Variants in ZNF124 observed in about 807,000 individuals in gnomAD.
ZNF124 encodes the protein zinc finger protein HZF-16.
ZNF124 carries 25 observed loss-of-function variants against 26.6 expected under a neutral mutation model. That is an observed-to-expected ratio of 0.94 (90% CI 0.68 to 1.31). ZNF124 has a LOEUF of 1.31. Among genes scored for constraint, ZNF124 ranks in the 40% most tolerant of loss-of-function variants. The pLI is 0.00. For missense variants in ZNF124, 444 were observed against 422.2 expected (o/e 1.05, Z -0.45); for synonymous variants, 129 against 133.3 (o/e 0.97, Z 0.22).
intron 3 of ZNF124, among the ~76,000 whole-genome samples, chr1:247,124,448 G>A (rs1672159318): frequency 2.0e-5 from 3 of 151,478 alleles, no homozygotes; most frequent in South Asian, 4.2e-4. Context: ...TGATCTACCC[G>A]CCGCGGCTTC....
downstream of ZNF124, among the ~76,000 whole-genome samples, chr1:247,151,330 T>A (rs1672932454): frequency 6.6e-6 from 1 of 151,924 alleles, no homozygotes; most frequent in Non-Finnish European, 1.5e-5. Flanking sequence ...ATACAAAAAA[T>A]TAGCCGGGCG....
At chr1:247,140,570 A>G (rs538594192) in intron 3 of ZNF124, among the ~76,000 whole-genome samples, 1 of 152,242 alleles carries the variant, frequency 6.6e-6, no homozygotes, top group South Asian at 2.1e-4. Flanking sequence ...GAGTTCTTTC[A>G]TTGGTTCTTT....
At chr1:247,131,798 G>C (rs1672375062) in intron 3 of ZNF124, among the ~76,000 whole-genome samples, 3 of 152,190 alleles carry the variant, frequency 2.0e-5, no homozygotes, top group African/African-American at 4.8e-5. Context: ...GAGCCCCTAG[G>C]GGGAGGGGTG....
chr1:247,157,730 A>AG lies in ZNF124; in HGVS notation c.219-328dup, dbSNP rs1324714148. Among the ~76,000 whole-genome samples the AG allele has an allele frequency of 2.0e-5, 3 of 152,192 alleles. No homozygotes were observed. The East Asian group carries it at 5.8e-4, about 29-fold the overall frequency. On this transcript the variant is annotated intron_variant, in intron 3 of 3. Transcript: ENST00000543802. ...TCTACAACATGGCTCCCTCCCCTAT[A>AG]GCTATTAACAATACAGTAATATTCT...
intron 3 of ZNF124, chr1:247,138,130 A>G (rs1378903886): frequency 3.3e-5 from 5 of 152,224 alleles, no homozygotes; most frequent in African/African-American, 1.2e-4. Flanking sequence ...AATATAAATC[A>G]TTCTACTATA....
At chr1:247,148,126 C>T (rs1387650054) in intron 3 of ZNF124, among the ~76,000 whole-genome samples, 2 of 152,228 alleles carry the variant, frequency 1.3e-5, no homozygotes, top group Admixed American at 1.3e-4. Context: ...ACTCCTCATT[C>T]TTTCCTACTT....
intron 3 of ZNF124, chr1:247,138,101 C>G (rs1226620917): frequency 6.6e-6 from 1 of 152,184 alleles, no homozygotes; most frequent in Non-Finnish European, 1.5e-5. Context: ...AATCCCATTA[C>G]TGGGTATATA....
chr1:247,159,973 G>C, intron 1 of ZNF124, 160 bp from the exon 2 acceptor site: 68 of 358,840 alleles, frequency 1.9e-4, no homozygotes, highest in Non-Finnish European at 2.6e-4. Flanking sequence ...CTCCCACATA[G>C]CAGTTCTTTT....
intron 3 of ZNF124, among the ~76,000 whole-genome samples, chr1:247,133,229 CAAGAA>C (rs1383158644): frequency 6.6e-6 from 1 of 150,692 alleles, no homozygotes; most frequent in African/African-American, 2.4e-5. Context: ...GACATGCAGA[CAAGAA>C]GAGAGAAAAA....
chr1:247,143,816 G>C (rs1672690787), intron 3 of ZNF124, among the ~76,000 whole-genome samples: 1 of 152,176 alleles, frequency 6.6e-6, no homozygotes, highest in Non-Finnish European at 1.5e-5. Flanking sequence ...TAGACAATGG[G>C]ATCAGTGCTC....
intron 1 of ZNF124, among the ~76,000 whole-genome samples, chr1:247,165,268 C>A (rs1349228757): frequency 6.6e-6 from 1 of 152,116 alleles, no homozygotes; most frequent in African/African-American, 2.4e-5. Context: ...GCCTGGCCAA[C>A]CATCTGATTT....
chr1:247,123,602 C>T (rs886627886), exon 4 of ZNF124: 16 of 450,056 alleles, frequency 3.6e-5, no homozygotes, highest in Non-Finnish European at 5.5e-5. Flanking sequence ...CCAAGTTCTT[C>T]CAAGATGCGT....
intron 3 of ZNF124, among the ~76,000 whole-genome samples, chr1:247,124,349 G>A (rs1197618841): frequency 6.6e-6 from 1 of 152,002 alleles, no homozygotes; most frequent in African/African-American, 2.4e-5. Context: ...GATTACAGGT[G>A]CAGGCCACCA....
Position 247,168,319 on chromosome 1 carries a change from A to G in ZNF124, c.30+3529T>C, listed in dbSNP as rs1006080089. Among the ~76,000 whole-genome samples the G allele has an allele frequency of 6.6e-6, 1 of 152,230 alleles. No individual in the cohort carries two copies. Among genetic ancestry groups the G allele is most frequent in the Non-Finnish European group, 1.5e-5 (1 of 68,048 alleles). On this transcript the variant is annotated intron_variant, in intron 1 of 3. Coordinates refer to ENST00000543802, the MANE Select transcript of ZNF124 (RefSeq NM_001297568.2). The surrounding 1 kb of genome is among the most constrained non-coding windows in gnomAD (Gnocchi z 4.0). ...TGAGGCAGGTGGATAACCTGACATC[A>G]GGAGTTCGATACCAGCCTGGCCAAC...
intron 3 of ZNF124, among the ~76,000 whole-genome samples, chr1:247,139,395 G>A (rs1288271262): frequency 6.6e-6 from 1 of 152,046 alleles, no homozygotes; most frequent in African/African-American, 2.4e-5. Flanking sequence ...TTGATCCTAG[G>A]TCACTGCATG....
At chr1:247,159,907 G>C (rs139489757) in intron 1 of ZNF124, 94 bp from the exon 2 acceptor site, 1 of 1,445,784 alleles carries the variant, frequency 6.9e-7, no homozygotes, top group African/African-American at 1.5e-5. Flanking sequence ...ATTCTGTGGC[G>C]AACATTTATT....
At chr1:247,128,402 GGAT>G (rs1672264549) in intron 3 of ZNF124, among the ~76,000 whole-genome samples, 1 of 149,000 alleles carries the variant, frequency 6.7e-6, no homozygotes, top group African/African-American at 2.5e-5. Context: ...AACTGTTTGA[GGAT>G]GACCTAATGT....
At chr1:247,169,931 C>T (rs556215845) in intron 1 of ZNF124, among the ~76,000 whole-genome samples, 1 of 102,558 alleles carries the variant, frequency 9.8e-6, no homozygotes, top group Non-Finnish European at 1.9e-5. Context: ...CTGAGAGGCT[C>T]CACCCCTAAA....
At chr1:247,151,698 A>G (rs1247002435), downstream of ZNF124, among the ~76,000 whole-genome samples, 2 of 152,190 alleles carry the variant, frequency 1.3e-5, no homozygotes, top group African/African-American at 4.8e-5. Flanking sequence ...CAATACCAAT[A>G]CATTTTCTGG....
Sources: allele counts gnomAD v4.1 joint callset (sites outside exome capture counted in the v4.1 genomes callset), GRCh38; gene constraint gnomAD v4.1.1; non-coding constraint Gnocchi (gnomAD v3.1); transcripts MANE v1.5; gene names NCBI Gene and HGNC (gene_info 2026-07-23, HGNC 2026-07-21).